Variants in HCN1 observed in about 807,000 individuals in gnomAD.
HCN1 encodes the protein potassium/sodium hyperpolarization-activated cyclic nucleotide-gated channel 1.
HCN1 carries 13 observed loss-of-function variants against 78.9 expected under a neutral mutation model. The ratio of observed to expected loss-of-function variants is 0.16; its 90% CI spans 0.11 to 0.26. The LOEUF is 0.26. Among genes scored for constraint, HCN1 ranks in the 10% least tolerant of loss-of-function variants. The pLI, the probability that HCN1 is intolerant of heterozygous loss-of-function variation, is 1.00. For synonymous variants in HCN1, 552 were observed against 455.5 expected (o/e 1.21, Z -2.70); for missense variants, 810 against 1,154.3 (o/e 0.70, Z 4.32).
intron 5 of HCN1, among the ~76,000 whole-genome samples, chr5:45,349,631 A>T (rs1214878770): frequency 3.3e-5 from 5 of 152,206 alleles, no homozygotes; most frequent in Admixed American, 2.0e-4. Flanking sequence ...CGCTAGCAAG[A>T]CGAATAAAGT....
intron 5 of HCN1, among the ~76,000 whole-genome samples, chr5:45,342,919 A>G (rs1436628750): frequency 2.6e-5 from 4 of 152,212 alleles, no homozygotes; most frequent in African/African-American, 7.2e-5. Flanking sequence ...AAATAATAAT[A>G]ACATGGGTAG....
chr5:45,304,889 A>G (rs1165409736), intron 5 of HCN1, among the ~76,000 whole-genome samples: 1 of 152,156 alleles, frequency 6.6e-6, no homozygotes, highest in Non-Finnish European at 1.5e-5. Flanking sequence ...ATTCTGATCA[A>G]GGTTAGACAT....
Position 45,256,776 on chromosome 5 carries a change from T to A in HCN1, c.*5145A>T, listed in dbSNP as rs1031528898. On this transcript the variant is annotated 3_prime_UTR_variant, in exon 8 of 8. Coordinates refer to ENST00000303230, the MANE Select transcript of HCN1 (RefSeq NM_021072.4). ...TCCTTGTAGAGACCAGGTCTTGACA[T>A]GCTGCCCTGGTTGGTCTCCAATTCC... 1.3e-5 allele frequency: 2 copies of A among 152,542 alleles called. No homozygotes were observed. The highest frequency in any genetic ancestry group is 1.5e-5 in the Non-Finnish European group (1 of 68,320). 9.4% of individuals were successfully genotyped at this position (152,542 alleles called of 1,614,324 possible).
At chr5:45,338,612 A>C (rs1403629857) in intron 5 of HCN1, among the ~76,000 whole-genome samples, 1 of 141,610 alleles carries the variant, frequency 7.1e-6, no homozygotes, top group Non-Finnish European at 1.5e-5. Flanking sequence ...CTTTCTAGAC[A>C]CTAAGAACAT....
At chr5:45,292,803 C>T (rs1227690393) in intron 6 of HCN1, among the ~76,000 whole-genome samples, 1 of 151,932 alleles carries the variant, frequency 6.6e-6, no homozygotes, top group African/African-American at 2.4e-5. Flanking sequence ...TCTATCCATT[C>T]ATCCATCATT....
intron 4 of HCN1, among the ~76,000 whole-genome samples, chr5:45,381,348 T>C (rs1448434352): frequency 6.6e-6 from 1 of 152,158 alleles, no homozygotes; most frequent in African/African-American, 2.4e-5. Context: ...TCTATCATTA[T>C]GGATACATCA....
intron 2 of HCN1, chr5:45,642,989 G>T (rs966461476): frequency 3.9e-5 from 6 of 152,028 alleles, no homozygotes; most frequent in Non-Finnish European, 8.8e-5. Context: ...TATTACCAAG[G>T]TCATTTATTT....
Position 45,262,808 on chromosome 5 carries a change from T to C in HCN1, c.1786A>G (p.Lys596Glu). 1.2e-6 allele frequency: 2 copies of C among 1,613,680 alleles called. No homozygotes were observed. Among genetic ancestry groups the C allele is most frequent in the Non-Finnish European group, 1.7e-6 (2 of 1,180,024 alleles). Residue 596 changes from lysine to glutamate, a missense_variant and splice_region_variant, in exon 8 of 8, where the codon AAG becomes GAG. Lys to Glu is a moderately conservative substitution (Grantham distance 56, BLOSUM62 1). Transcript: ENST00000303230. ...TTTTGCAGAAGAATTGAATTTTTCTTTCCTGTCAGCAAAAGAAAGATAGGC... is the reference window on the plus strand; with the variant it reads ...TTTTGCAGAAGAATTGAATTTTTCTCTCCTGTCAGCAAAAGAAAGATAGGC... ...VAIDRLDRIG[K>E]KNSILLQKFQ...
intron 1 of HCN1, among the ~76,000 whole-genome samples, chr5:45,688,704 A>G (rs530673817): frequency 2.0e-5 from 3 of 152,250 alleles, no homozygotes; most frequent in African/African-American, 7.2e-5. Context: ...AGCAGTATTT[A>G]CAATAACCAA....
At chr5:45,452,904 G>C (rs898081582) in intron 3 of HCN1, among the ~76,000 whole-genome samples, 1 of 151,974 alleles carries the variant, frequency 6.6e-6, no homozygotes. Flanking sequence ...GTTTCAAAAA[G>C]TGTCCCTCCT....
intron 5 of HCN1, among the ~76,000 whole-genome samples, chr5:45,351,738 AAAG>A (rs1746907479): frequency 2.0e-5 from 3 of 149,524 alleles, no homozygotes; most frequent in South Asian, 4.2e-4. Context: ...ACACTTCTCA[AAAG>A]AAGACATTTA....
chr5:45,351,324 T>C (rs1223148405), intron 5 of HCN1, among the ~76,000 whole-genome samples: 2 of 142,474 alleles, frequency 1.4e-5, no homozygotes, highest in African/African-American at 2.9e-5. Context: ...GCTAGCCATA[T>C]GTAGAAAGCT....
chr5:45,636,139 T>A (rs1745353462), intron 2 of HCN1, among the ~76,000 whole-genome samples: 1 of 152,164 alleles, frequency 6.6e-6, no homozygotes, highest in Admixed American at 6.6e-5. Context: ...CTTTCCAATG[T>A]CCATCATGTA....
intron 3 of HCN1, among the ~76,000 whole-genome samples, chr5:45,420,853 A>G (rs1035437104): frequency 4.7e-5 from 7 of 150,214 alleles, no homozygotes; most frequent in Non-Finnish European, 1.0e-4. Flanking sequence ...CACTGTGCTG[A>G]AAACCAGGTA....
chr5:45,433,476 C>G (rs536380721), intron 3 of HCN1, among the ~76,000 whole-genome samples: 1 of 151,738 alleles, frequency 6.6e-6, no homozygotes, highest in Non-Finnish European at 1.5e-5. Flanking sequence ...TCGCTGCACA[C>G]GAGATGGGTC....
chr5:45,360,622 A>G (rs1425986785), intron 4 of HCN1, among the ~76,000 whole-genome samples: 1 of 152,120 alleles, frequency 6.6e-6, no homozygotes, highest in Non-Finnish European at 1.5e-5. Flanking sequence ...TCTTCAATGC[A>G]TATCTTTTAG....
intron 3 of HCN1, among the ~76,000 whole-genome samples, chr5:45,445,159 G>A (rs1279732045): frequency 6.6e-6 from 1 of 152,198 alleles, no homozygotes; most frequent in Non-Finnish European, 1.5e-5. Flanking sequence ...GATGGCACCT[G>A]GAAAATCGGG....
chr5:45,432,185 T>C (rs865941203), intron 3 of HCN1, among the ~76,000 whole-genome samples: 39 of 152,306 alleles, frequency 2.6e-4, no homozygotes, highest in African/African-American at 9.4e-4. Context: ...TTTTATTCTT[T>C]TTGTGACTAC....
chr5:45,444,478 T>C (rs776309622), intron 3 of HCN1, among the ~76,000 whole-genome samples: 58 of 152,140 alleles, frequency 3.8e-4, no homozygotes, highest in Non-Finnish European at 6.8e-4. Context: ...AAATGAGCAG[T>C]ATTTCAATTA....
Sources: gnomAD v4.1 joint callset for allele counts (sites outside exome capture counted in the v4.1 genomes callset) on GRCh38, gnomAD v4.1.1 for gene constraint, MANE v1.5 for transcripts, NCBI Gene and HGNC (gene_info 2026-07-23, HGNC 2026-07-21) for gene names.